CEP128: variants seen among roughly 807,000 people sequenced by gnomAD.
CEP128 encodes centrosomal protein 128, also known as centrosomal protein 128kDa.
Under a neutral mutation model 156.7 loss-of-function variants are expected in CEP128, and 132 were observed. The ratio of observed to expected loss-of-function variants is 0.84; its 90% CI spans 0.73 to 0.97. The LOEUF (loss-of-function observed/expected upper bound fraction) is 0.97. CEP128 is among the 50% of genes least tolerant of loss of function. CEP128 has a pLI of 0.00. For synonymous variants in CEP128, 469 were observed against 448.9 expected (o/e 1.04, Z -0.57); for missense variants, 1,252 against 1,281.9 (o/e 0.98, Z 0.36).
chr14:80,526,036 TGGACTCTCTCTGG>T (rs1035877340), intron 23 of CEP128, among the ~76,000 whole-genome samples: 6 of 152,246 alleles, frequency 3.9e-5, no homozygotes, highest in African/African-American at 1.4e-4. Context: ...TGAATATAGA[TGGACTCTCTCTGG>T]GTCAGCATTC....
intron 19 of CEP128, among the ~76,000 whole-genome samples, chr14:80,598,494 G>A (rs181070247): frequency 3.9e-5 from 6 of 152,108 alleles, no homozygotes; most frequent in South Asian, 2.1e-4. Context: ...ATTATAAGAC[G>A]TACTGTATTC....
intron 9 of CEP128, among the ~76,000 whole-genome samples, chr14:80,853,841 T>C (rs976203341): frequency 2.6e-5 from 4 of 151,940 alleles, no homozygotes; most frequent in Admixed American, 1.3e-4. Context: ...ATAGATATTG[T>C]AGGAAACTAG....
At chr14:80,790,323 T>C (rs1040572552) in intron 14 of CEP128, among the ~76,000 whole-genome samples, 4 of 152,108 alleles carry the variant, frequency 2.6e-5, no homozygotes, top group South Asian at 2.1e-4. Flanking sequence ...CAGAAAAGCA[T>C]ATACTATGAT....
intron 19 of CEP128, among the ~76,000 whole-genome samples, chr14:80,641,216 A>G (rs909873785): frequency 3.9e-5 from 6 of 152,298 alleles, no homozygotes; most frequent in East Asian, 1.9e-4. Flanking sequence ...CCCCTTCTGT[A>G]TAACTACTGC....
intron 19 of CEP128, among the ~76,000 whole-genome samples, chr14:80,668,759 T>C (rs576846237): frequency 2.0e-5 from 3 of 152,326 alleles, no homozygotes; most frequent in African/African-American, 7.2e-5. Flanking sequence ...AAACTCATCT[T>C]GAATTTTAGC....
intron 20 of CEP128, among the ~76,000 whole-genome samples, chr14:80,561,613 T>TTA (rs1890677091): frequency 1.3e-5 from 2 of 152,146 alleles, no homozygotes; most frequent in African/African-American, 4.8e-5. Flanking sequence ...CCCTATACCA[T>TTA]GGGTTTGAGG....
intron 21 of CEP128, among the ~76,000 whole-genome samples, chr14:80,535,695 A>C (rs75202580): frequency 6.6e-6 from 1 of 152,316 alleles, no homozygotes; most frequent in African/African-American, 2.4e-5. Flanking sequence ...GTTTTATGAT[A>C]CTAACACTGC....
At chr14:80,555,065 T>C (rs774214448) in intron 21 of CEP128, among the ~76,000 whole-genome samples, 1 of 152,078 alleles carries the variant, frequency 6.6e-6, no homozygotes, top group Non-Finnish European at 1.5e-5. Flanking sequence ...AACCCTGATA[T>C]AAAAAAATCA....
intron 23 of CEP128, among the ~76,000 whole-genome samples, chr14:80,508,626 G>A (rs1354315877): frequency 6.6e-6 from 1 of 151,978 alleles, no homozygotes; most frequent in Non-Finnish European, 1.5e-5. Flanking sequence ...ATATTTTTAT[G>A]TATTTAACAT....
chr14:80,625,751 T>C (rs1207194334), intron 19 of CEP128, among the ~76,000 whole-genome samples: 1 of 151,736 alleles, frequency 6.6e-6, no homozygotes, highest in Non-Finnish European at 1.5e-5. Context: ...CCTTCCTTCA[T>C]TTCTCTTTCT....
At chr14:80,705,392 GAA>G (rs1897208282) in intron 19 of CEP128, among the ~76,000 whole-genome samples, 3 of 152,000 alleles carry the variant, frequency 2.0e-5, no homozygotes, top group South Asian at 2.1e-4. Context: ...ATGTATTCAT[GAA>G]ACCCAGAGCT....
chr14:80,779,357 T>C (rs1900975865), intron 15 of CEP128, among the ~76,000 whole-genome samples: 1 of 152,214 alleles, frequency 6.6e-6, no homozygotes, highest in Non-Finnish European at 1.5e-5. Flanking sequence ...TGAGAGCTGA[T>C]GCCACATTAA....
chr14:80,730,489 C>T (rs1898224332), intron 19 of CEP128, among the ~76,000 whole-genome samples: 1 of 152,190 alleles, frequency 6.6e-6, no homozygotes, highest in East Asian at 1.9e-4. Flanking sequence ...TAGCTGGAGA[C>T]ATGACTGTTT....
intron 19 of CEP128, among the ~76,000 whole-genome samples, chr14:80,735,409 A>G (rs1247579723): frequency 1.3e-5 from 2 of 152,194 alleles, no homozygotes; most frequent in Non-Finnish European, 2.9e-5. Flanking sequence ...GCACATTTCC[A>G]GAACTATCTC....
rs1896382204 is a variant in CEP128 at position 80,682,984 on chromosome 14, C to A, written c.2806+60091G>T. Among the ~76,000 whole-genome samples the A allele has an allele frequency of 2.0e-5, 3 of 151,910 alleles. No homozygotes were observed. The South Asian group carries it at 6.2e-4, about 32-fold the overall frequency. On this transcript the variant is annotated intron_variant, in intron 19 of 24. Transcript: ENST00000555265. Reference sequence around the variant, plus strand: ...CAAAAGAATGATAGCTAGTTGCCCACCACCCCCACCAAACACACACGTACA... The same window carrying A: ...CAAAAGAATGATAGCTAGTTGCCCAACACCCCCACCAAACACACACGTACA...
At chr14:80,507,983 T>C (rs1235170674) in intron 23 of CEP128, among the ~76,000 whole-genome samples, 1 of 152,226 alleles carries the variant, frequency 6.6e-6, no homozygotes, top group African/African-American at 2.4e-5. Flanking sequence ...GGCACGATCT[T>C]GGCTCACTGC....
At chr14:80,665,737 T>C (rs1895586898) in intron 19 of CEP128, among the ~76,000 whole-genome samples, 1 of 151,960 alleles carries the variant, frequency 6.6e-6, no homozygotes, top group East Asian at 1.9e-4. Context: ...AAAAAAAAAT[T>C]GTTTTAATTA....
chr14:80,497,406 C>T lies in CEP128; in HGVS notation c.*73G>A. 1 of 1,039,156 alleles carries T rather than the reference C, an allele frequency of 9.6e-7. No individual in the cohort carries two copies. Among genetic ancestry groups the T allele is most frequent in the Non-Finnish European group, 1.4e-6 (1 of 690,558 alleles). 64.4% of individuals were successfully genotyped at this position (1,039,156 alleles called of 1,614,324 possible). On this transcript the variant is annotated 3_prime_UTR_variant, in exon 25 of 25. Coordinates refer to ENST00000555265, the MANE Select transcript of CEP128 (RefSeq NM_152446.5). ...GGTATGTCTGTTAGATAATCTGGGC[C>T]AAATTGCTGTAAGAATAGAGATGTT...
chr14:80,956,197 C>T lies in CEP128; in HGVS notation c.-172+1981G>A, dbSNP rs576680322. Among the ~76,000 whole-genome samples, 12 of 152,340 alleles carry T rather than the reference C, an allele frequency of 7.9e-5. No homozygotes were observed. The South Asian group carries it at 2.5e-3, about 32-fold the overall frequency. ...TGAATTAATAAGGATAATGGCATCT[C>T]AGGAACTGACCTTTTTGATCTTACC... On this transcript the variant is annotated intron_variant, in intron 2 of 7. Coordinates refer to the CEP128 transcript ENST00000555529.
Sources: allele counts gnomAD v4.1 joint callset (sites outside exome capture counted in the v4.1 genomes callset), GRCh38; gene constraint gnomAD v4.1.1; transcripts MANE v1.5; gene names NCBI Gene and HGNC (gene_info 2026-07-23, HGNC 2026-07-21).